Variants in ADAMTS19 observed in about 807,000 individuals in gnomAD.
ADAMTS19 encodes the protein A disintegrin and metalloproteinase with thrombospondin motifs 19.
Under a neutral mutation model 153.3 loss-of-function variants are expected in ADAMTS19, and 93 were observed. The ratio of observed to expected loss-of-function variants is 0.61; its 90% CI spans 0.51 to 0.72. The LOEUF is 0.72. Among genes scored for constraint, ADAMTS19 ranks in the 30% least tolerant of loss-of-function variants. The pLI is 0.00. For synonymous variants in ADAMTS19, 600 were observed against 556.6 expected, an observed-to-expected ratio of 1.08 and a Z score of -1.10; for missense variants, 1,482 against 1,552.1, an observed-to-expected ratio of 0.95 and a Z score of 0.76.
chr5:129,464,250 G>C (rs1749783145), intron 2 of ADAMTS19, among the ~76,000 whole-genome samples: 1 of 152,146 alleles, frequency 6.6e-6, no homozygotes. Flanking sequence ...AAGAATATGG[G>C]CTTTTTCTAA....
chr5:129,495,527 G>T (rs1403613673), intron 2 of ADAMTS19, among the ~76,000 whole-genome samples: 1 of 152,096 alleles, frequency 6.6e-6, no homozygotes, highest in Non-Finnish European at 1.5e-5. Context: ...TAGTTATGGT[G>T]AGGAAGCATT....
chr5:129,691,029 C>T (rs537084149), intron 18 of ADAMTS19, among the ~76,000 whole-genome samples: 16 of 151,998 alleles, frequency 1.1e-4, no homozygotes, highest in Non-Finnish European at 2.1e-4. Context: ...ATGTGAGGTA[C>T]CTCAATAGAA....
chr5:129,665,987 A>G (rs1754037441), intron 16 of ADAMTS19, among the ~76,000 whole-genome samples: 1 of 149,996 alleles, frequency 6.7e-6, no homozygotes, highest in Admixed American at 6.7e-5. Context: ...ATGTATATAT[A>G]TATATAAAAT....
At chr5:129,650,995 T>C (rs186146291) in intron 13 of ADAMTS19, among the ~76,000 whole-genome samples, 5 of 152,264 alleles carry the variant, frequency 3.3e-5, no homozygotes, top group Admixed American at 3.3e-4. Context: ...CTTAAATACA[T>C]TAAGGTGGCT....
At position 129,619,920 on chromosome 5, in the gene ADAMTS19, A is replaced by G. The variant is rs1751700508; in HGVS notation, c.1479-698A>G. ...CTTTATTTGGTGGAACTTAGTAGCT[A>G]GCAAAAGCATAAAAAGAGAGCAAGA... On this transcript the variant is annotated intron_variant, in intron 8 of 22. Transcript: ENST00000274487. Among the ~76,000 whole-genome samples the G allele has an allele frequency of 2.6e-5, 4 of 152,060 alleles. No homozygotes were observed. The South Asian group carries it at 8.3e-4, about 32-fold the overall frequency.
At chr5:129,727,159 C>T (rs1256223451) in intron 21 of ADAMTS19, among the ~76,000 whole-genome samples, 4 of 152,122 alleles carry the variant, frequency 2.6e-5, no homozygotes, top group African/African-American at 7.2e-5. Flanking sequence ...TATGTCTGTT[C>T]ATTTGTGTTT....
intron 7 of ADAMTS19, among the ~76,000 whole-genome samples, chr5:129,591,714 C>T (rs192539585): frequency 6.6e-6 from 1 of 152,238 alleles, no homozygotes; most frequent in Admixed American, 6.5e-5. Flanking sequence ...TCACAGATTA[C>T]AGTCATAGGA....
chr5:129,642,230 C>G (rs1752823946), intron 11 of ADAMTS19, among the ~76,000 whole-genome samples: 1 of 151,634 alleles, frequency 6.6e-6, no homozygotes, highest in South Asian at 2.1e-4. Context: ...ATTAATATAG[C>G]AAAAATGTGA....
intron 3 of ADAMTS19, among the ~76,000 whole-genome samples, chr5:129,512,766 C>G (rs1033776339): frequency 6.6e-6 from 1 of 152,020 alleles, no homozygotes; most frequent in Non-Finnish European, 1.5e-5. Context: ...AGATAAAAAG[C>G]CTCTCATTTT....
intron 16 of ADAMTS19, among the ~76,000 whole-genome samples, chr5:129,671,441 C>A (rs1451969315): frequency 1.3e-5 from 2 of 152,008 alleles, no homozygotes; most frequent in Non-Finnish European, 2.9e-5. Context: ...AAAGACTTGG[C>A]AAATAGATGC....
At chr5:129,554,450 T>C (rs1355109538) in intron 7 of ADAMTS19, among the ~76,000 whole-genome samples, 1 of 152,074 alleles carries the variant, frequency 6.6e-6, no homozygotes, top group African/African-American at 2.4e-5. Context: ...TATATTTGCC[T>C]CAACAAGCTG....
At chr5:129,694,126 A>G (rs1425310296) in intron 18 of ADAMTS19, among the ~76,000 whole-genome samples, 1 of 152,160 alleles carries the variant, frequency 6.6e-6, no homozygotes, top group East Asian at 1.9e-4. Context: ...CAATGTCTTC[A>G]GTTTGTATCT....
At chr5:129,619,452 A>G (rs1377099724) in intron 8 of ADAMTS19, among the ~76,000 whole-genome samples, 3 of 150,494 alleles carry the variant, frequency 2.0e-5, no homozygotes, top group Non-Finnish European at 3.0e-5. Flanking sequence ...AAGAAACAAC[A>G]TAATGTTTGG....
At chr5:129,534,001 G>GTGC (rs1197814403) in intron 6 of ADAMTS19, among the ~76,000 whole-genome samples, 11 of 152,062 alleles carry the variant, frequency 7.2e-5, no homozygotes, top group Admixed American at 7.2e-4. Flanking sequence ...TTGCTGAGGA[G>GTGC]TGCTTTACTT....
At chr5:129,666,782 A>C (rs1020564629) in intron 16 of ADAMTS19, among the ~76,000 whole-genome samples, 2 of 152,186 alleles carry the variant, frequency 1.3e-5, no homozygotes, top group Non-Finnish European at 2.9e-5. Context: ...TTTTAGAGAC[A>C]CTGGCCATAA....
At chr5:129,684,499 GCATTACATTA>G (rs5871363) in intron 18 of ADAMTS19, among the ~76,000 whole-genome samples, 113 of 132,672 alleles carry the variant, frequency 8.5e-4, no homozygotes, top group Admixed American at 2.2e-3. Context: ...ACTACTCTTT[GCATTACATTA>G]CATTACATTA....
Position 129,651,860 on chromosome 5 carries a change from A to G in ADAMTS19, c.2177-2446A>G, listed in dbSNP as rs114134098. On this transcript the variant is annotated intron_variant, in intron 13 of 22. Transcript: ENST00000274487. Reference sequence around the variant, plus strand: ...AATACATAGCCAGTAACTTTTTATTATAAAAATATAATCAATATGACTGTT... The same window carrying G: ...AATACATAGCCAGTAACTTTTTATTGTAAAAATATAATCAATATGACTGTT... 4.8e-3 allele frequency among the ~76,000 whole-genome samples: 725 copies of G among 152,314 alleles called. 8 individuals carry two copies. Among genetic ancestry groups the G allele is most frequent in the African/African-American group, 0.016 (673 of 41,572 alleles).
intron 10 of ADAMTS19, among the ~76,000 whole-genome samples, chr5:129,636,311 GT>G (rs1399497838): frequency 3.3e-5 from 5 of 152,128 alleles, no homozygotes; most frequent in Non-Finnish European, 7.4e-5. Flanking sequence ...AAGAGGGTTG[GT>G]TTTTTGAGAA....
intron 10 of ADAMTS19, among the ~76,000 whole-genome samples, chr5:129,623,116 G>A (rs977923949): frequency 6.6e-6 from 1 of 151,990 alleles, no homozygotes; most frequent in African/African-American, 2.4e-5. Context: ...ATCTTTTATA[G>A]GAACAAAAAT....
Sources: allele counts gnomAD v4.1 joint callset (sites outside exome capture counted in the v4.1 genomes callset), GRCh38; gene constraint gnomAD v4.1.1; transcripts MANE v1.5; gene names NCBI Gene and HGNC (gene_info 2026-07-23, HGNC 2026-07-21).